DYNC1I1: variants seen among roughly 807,000 people sequenced by gnomAD.
DYNC1I1 encodes the protein cytoplasmic dynein 1 intermediate chain 1.
Under a neutral mutation model 86.6 loss-of-function variants are expected in DYNC1I1, and 43 were observed. The observed-to-expected ratio is 0.50, with a 90% CI of 0.39 to 0.64. DYNC1I1 has a LOEUF of 0.64. Ranked by LOEUF, DYNC1I1 falls within the 30% of genes least tolerant of loss-of-function variation. The pLI is 0.00. For missense variants in DYNC1I1, 604 were observed against 788.8 expected (o/e 0.77, Z 2.81); for synonymous variants, 262 against 283.7 (o/e 0.92, Z 0.77).
intron 6 of DYNC1I1, among the ~76,000 whole-genome samples, chr7:95,908,027 A>G (rs1791221491): frequency 6.6e-6 from 1 of 152,262 alleles, no homozygotes; most frequent in East Asian, 1.9e-4. Context: ...ACTTTTTATA[A>G]CATATTTTAA....
intron 5 of DYNC1I1, among the ~76,000 whole-genome samples, chr7:95,863,636 A>C (rs1171937181): frequency 6.6e-6 from 1 of 152,036 alleles, no homozygotes; most frequent in East Asian, 1.9e-4. Context: ...TTTCCATTTA[A>C]ATTTTTGGCC....
intron 14 of DYNC1I1, among the ~76,000 whole-genome samples, chr7:96,060,583 A>G (rs964437600): frequency 6.6e-6 from 1 of 152,198 alleles, no homozygotes; most frequent in African/African-American, 2.4e-5. Flanking sequence ...GTCCAAACCC[A>G]TAGAATGTAC....
intron 16 of DYNC1I1, among the ~76,000 whole-genome samples, chr7:96,109,076 C>A (rs1021049173): frequency 6.6e-6 from 1 of 151,996 alleles, no homozygotes; most frequent in African/African-American, 2.4e-5. Context: ...GTACTGCTGT[C>A]CCTGCTTTAA....
chr7:95,862,451 A>AG (rs1463738802), intron 5 of DYNC1I1, among the ~76,000 whole-genome samples: 67 of 151,918 alleles, frequency 4.4e-4, no homozygotes, highest in Non-Finnish European at 7.5e-4. Flanking sequence ...GCACAAAAAA[A>AG]GATACTCAAC....
rs183220574 is a variant in DYNC1I1 at position 95,838,137 on chromosome 7, A to G, written c.374+10021A>G. ...CAATGTCGAAAATCTCATTTCTTAC[A>G]TTTTCTTTTAGGAGTTGTATAGTTG... On this transcript the variant is annotated intron_variant, in intron 5 of 16. Transcript: ENST00000447467. 3.8e-3 allele frequency among the ~76,000 whole-genome samples: 581 copies of G among 151,850 alleles called. 4 individuals are homozygous for G. The highest frequency in any genetic ancestry group is 0.013 in the African/African-American group (550 of 41,400).
chr7:95,876,731 C>G (rs1790318080), intron 6 of DYNC1I1, among the ~76,000 whole-genome samples: 3 of 152,104 alleles, frequency 2.0e-5, no homozygotes, highest in Non-Finnish European at 2.9e-5. Context: ...ACCTTTAATT[C>G]CCTGGAGAGT....
At chr7:96,088,002 A>T (rs534133939) in intron 16 of DYNC1I1, among the ~76,000 whole-genome samples, 1 of 152,300 alleles carries the variant, frequency 6.6e-6, no homozygotes, top group South Asian at 2.1e-4. Context: ...TGCTTAATTT[A>T]AAAAAGAAAA....
chr7:95,989,081 T>C (rs933911548), intron 9 of DYNC1I1, among the ~76,000 whole-genome samples: 14 of 152,176 alleles, frequency 9.2e-5, no homozygotes, highest in African/African-American at 3.1e-4. Flanking sequence ...AGATAGCAAG[T>C]GCTCTCAAAG....
At chr7:96,028,050 T>TAG in intron 10 of DYNC1I1, 125 bp from the exon 11 acceptor site, 1 of 1,359,706 alleles carries the variant, frequency 7.4e-7, no homozygotes, top group Non-Finnish European at 1.0e-6. Context: ...CAGTCCCAGC[T>TAG]TTAAATTATT....
chr7:96,039,961 CTG>C (rs1788987354), intron 14 of DYNC1I1, among the ~76,000 whole-genome samples: 1 of 152,026 alleles, frequency 6.6e-6, no homozygotes, highest in East Asian at 1.9e-4. Context: ...TGGCTGGGAG[CTG>C]TGGCTCACAT....
At chr7:96,045,009 C>T (rs1789166384) in intron 14 of DYNC1I1, among the ~76,000 whole-genome samples, 1 of 152,094 alleles carries the variant, frequency 6.6e-6, no homozygotes, top group East Asian at 1.9e-4. Context: ...AGGAGCCTTA[C>T]CAGAGTGTGA....
intron 6 of DYNC1I1, among the ~76,000 whole-genome samples, chr7:95,937,216 A>G (rs1016224939): frequency 6.6e-6 from 1 of 152,024 alleles, no homozygotes; most frequent in Non-Finnish European, 1.5e-5. Flanking sequence ...TCAGTTACGT[A>G]GGGTGGATTA....
chr7:95,836,617 G>T (rs1789100831), intron 5 of DYNC1I1, among the ~76,000 whole-genome samples: 1 of 152,074 alleles, frequency 6.6e-6, no homozygotes. Context: ...GTCAGACGTA[G>T]ATTTGGTCTT....
chr7:95,942,625 A>G (rs1792263316), intron 6 of DYNC1I1, among the ~76,000 whole-genome samples: 1 of 151,962 alleles, frequency 6.6e-6, no homozygotes. Flanking sequence ...AATCCTCAAT[A>G]AAATACTGGC....
At chr7:95,925,163 G>T (rs1269219833) in intron 6 of DYNC1I1, among the ~76,000 whole-genome samples, 2 of 152,236 alleles carry the variant, frequency 1.3e-5, no homozygotes, top group African/African-American at 4.8e-5. Flanking sequence ...GATATTCTGG[G>T]TGGCTGGGAT....
chr7:96,068,389 T>C (rs1376306094), intron 14 of DYNC1I1, among the ~76,000 whole-genome samples: 1 of 152,218 alleles, frequency 6.6e-6, no homozygotes, highest in Non-Finnish European at 1.5e-5. Context: ...TCATATTAAA[T>C]ATAATGTAAA....
intron 6 of DYNC1I1, among the ~76,000 whole-genome samples, chr7:95,975,968 G>T (rs186667304): frequency 3.3e-5 from 5 of 152,308 alleles, no homozygotes; most frequent in Admixed American, 1.3e-4. Flanking sequence ...GGAATTTTGT[G>T]TGTGTGTGTG....
chr7:95,999,759 T>C (rs987531002), intron 10 of DYNC1I1, among the ~76,000 whole-genome samples: 1 of 152,162 alleles, frequency 6.6e-6, no homozygotes, highest in African/African-American at 2.4e-5. Context: ...TGAGTGACCC[T>C]GGGTGAGTCA....
chr7:96,033,384 G>A (rs1369161298), intron 12 of DYNC1I1, among the ~76,000 whole-genome samples: 1 of 152,118 alleles, frequency 6.6e-6, no homozygotes, highest in East Asian at 1.9e-4. Flanking sequence ...AATAGAAGTG[G>A]GAGAGGCTGT....
Sources: gnomAD v4.1 joint callset for allele counts (sites outside exome capture counted in the v4.1 genomes callset) on GRCh38, gnomAD v4.1.1 for gene constraint, MANE v1.5 for transcripts, NCBI Gene and HGNC (gene_info 2026-07-23, HGNC 2026-07-21) for gene names.